The following RTN4RL2 variants were observed in gnomAD, a reference collection of about 807,000 sequenced individuals.
RTN4RL2 encodes reticulon 4 receptor like 2.
Under a neutral mutation model 27.8 loss-of-function variants are expected in RTN4RL2, and 9 were observed. The ratio of observed to expected loss-of-function variants is 0.32; its 90% CI spans 0.20 to 0.57. RTN4RL2 has a LOEUF of 0.57. Ranked by LOEUF, RTN4RL2 falls within the 20% of genes least tolerant of loss-of-function variation. The probability of loss-of-function intolerance (pLI) is 0.90; values close to 1 mark genes in which losing one functional copy is unlikely to be tolerated. For missense variants in RTN4RL2, 436 were observed against 596.8 expected (o/e 0.73, Z 2.81); for synonymous variants, 285 against 297.9 (o/e 0.96, Z 0.45).
At chr11:57,461,905 G>C (rs1284526836) in intron 1 of RTN4RL2, among the ~76,000 whole-genome samples, 1 of 152,028 alleles carries the variant, frequency 6.6e-6, no homozygotes, top group South Asian at 2.1e-4. Context: ...AGGGACTGGG[G>C]ATTGGGGGTG....
In RTN4RL2 at chr11:57,471,123, C is replaced by T. The variant is rs1943560537; in HGVS notation, c.513+3033C>T. On this transcript the variant is annotated intron_variant, in intron 2 of 2. Transcript: ENST00000335099. ...GGGTGGCAGGTGTCTGTAATCCCAG[C>T]CACTAGGGAGGCTAAGGCAGGAGAA... Among the ~76,000 whole-genome samples the T allele has an allele frequency of 4.0e-5, 6 of 151,890 alleles. No individual in the cohort carries two copies. The South Asian group carries it at 1.2e-3, about 32-fold the overall frequency.
chr11:57,463,961 G>C (rs1943503481), intron 1 of RTN4RL2, among the ~76,000 whole-genome samples: 1 of 152,178 alleles, frequency 6.6e-6, no homozygotes, highest in South Asian at 2.1e-4. Context: ...CCTCCAGTGA[G>C]AGCCGCTGCG....
At position 57,468,053 on chromosome 11, in the gene RTN4RL2, A is replaced by T; in HGVS notation, c.476A>T (p.Tyr159Phe). ...NIFRGLVSLQ[Y>F]LYLQENSLLH... ...TTCCGAGGCCTGGTCAGCCTGCAGT[A>T]CCTCTACCTCCAGGAGAACAGCCTG... The change falls in exon 2 of 3, where the codon TAC becomes TTC. Residue 159 changes from tyrosine (Y) to phenylalanine (F), a missense_variant. Physicochemically the swap from Tyr to Phe is conservative, Grantham distance 22 (BLOSUM62 3). This residue lies in a region of RTN4RL2 where 365 missense variants were observed against 530.5 expected (regional missense o/e 0.69). Transcript: ENST00000335099. 1 of 1,598,052 alleles carries T rather than the reference A, an allele frequency of 6.3e-7. No individual in the cohort carries two copies. Among genetic ancestry groups the T allele is most frequent in the Non-Finnish European group, 8.5e-7 (1 of 1,179,012 alleles).
intron 2 of RTN4RL2, among the ~76,000 whole-genome samples, chr11:57,475,498 T>G (rs1391781893): frequency 6.6e-6 from 1 of 151,698 alleles, no homozygotes; most frequent in African/African-American, 2.4e-5. Flanking sequence ...GATGACTGGC[T>G]TGGCCAAGTT....
At chr11:57,462,269 C>T (rs570218256) in intron 1 of RTN4RL2, among the ~76,000 whole-genome samples, 1 of 152,158 alleles carries the variant, frequency 6.6e-6, no homozygotes, top group East Asian at 1.9e-4. Context: ...TCTAAACCTC[C>T]GTCACCCGCG....
chr11:57,475,243 C>T (rs1205314411), intron 2 of RTN4RL2, among the ~76,000 whole-genome samples: 2 of 152,166 alleles, frequency 1.3e-5, no homozygotes, highest in Non-Finnish European at 2.9e-5. Flanking sequence ...GAACCTGAGA[C>T]TCCATGAGGT....
chr11:57,468,926 C>A, intron 2 of RTN4RL2: 2 of 756,414 alleles, frequency 2.6e-6, no homozygotes, highest in Non-Finnish European at 4.6e-6. Context: ...AATCATCCCA[C>A]TCCATTTCCC....
chr11:57,468,509 T>C, intron 2 of RTN4RL2: 1 of 1,478,472 alleles, frequency 6.8e-7, no homozygotes. Context: ...TGTGTATCTG[T>C]CTCTTTCTGT....
At chr11:57,464,889 C>G (rs1246632293) in intron 1 of RTN4RL2, among the ~76,000 whole-genome samples, 1 of 152,092 alleles carries the variant, frequency 6.6e-6, no homozygotes, top group Non-Finnish European at 1.5e-5. Flanking sequence ...AAACGCCGCA[C>G]GGGGGAGGGG....
rs747244939 is a variant in RTN4RL2 at position 57,476,769 on chromosome 11, A to T, written c.1121A>T (p.Tyr374Phe). 2.0e-6 allele frequency: 3 copies of T among 1,478,664 alleles called. No individual in the cohort carries two copies. In the East Asian group the frequency reaches 8.1e-5, roughly 40 times the overall value. The allele number at this position is 1,478,664 out of a possible 1,614,324, so 91.6% of individuals were successfully genotyped here. Reference sequence around the variant, plus strand: ...ACTGAGGACGACTACTGGGGGGGCTACGGGGGTGAGGACCAGCGAGGGGAG... The same window carrying T: ...ACTGAGGACGACTACTGGGGGGGCTTCGGGGGTGAGGACCAGCGAGGGGAG... ...APTEDDYWGGYGGEDQRGEQM... is the reference protein window; with the variant it reads ...APTEDDYWGGFGGEDQRGEQM... Residue 374 changes from tyrosine (Y) to phenylalanine (F), a missense_variant, in exon 3 of 3, where the codon TAC becomes TTC. Around this residue, in one of 3 missense-constraint regions of RTN4RL2, gnomAD observed 60 missense variants for 43.0 expected, o/e 1.40. Transcript: ENST00000335099. This position sits in a 1 kb window ranked among gnomAD's most constrained non-coding sequence, Gnocchi z 8.2.
rs747856323 is a variant in RTN4RL2 at position 57,468,022 on chromosome 11, A to T, written c.445A>T (p.Asn149Tyr). The T allele has an allele frequency of 6.2e-7, 1 of 1,601,368 alleles. No individual in the cohort carries two copies. Among genetic ancestry groups the T allele is most frequent in the East Asian group, 2.2e-5 (1 of 44,854 alleles). The change falls in exon 2 of 3, where the codon AAC (asparagine) becomes TAC (tyrosine). Residue 149 changes from asparagine to tyrosine, a missense_variant. Around this residue, in one of 3 missense-constraint regions of RTN4RL2, gnomAD observed 365 missense variants for 530.5 expected, o/e 0.69. Transcript: ENST00000335099. ...CTGCCAGCTCAGCAGCCTGCCCGGC[A>T]ACATCTTCCGAGGCCTGGTCAGCCT... ...YRCQLSSLPG[N>Y]IFRGLVSLQY...
chr11:57,468,723 A>G (rs1208787706), intron 2 of RTN4RL2: 1 of 1,536,086 alleles, frequency 6.5e-7, no homozygotes. Flanking sequence ...GGAGAAGCCC[A>G]CACCCCTTCT....
In RTN4RL2 at chr11:57,476,717, CG is replaced by C; in HGVS notation, c.1074del (p.Arg359AlafsTer165). Reference protein sequence around the residue: ...LYRDLPAEDSRGRQGGDAPTE... With the variant: ...LYRDLPAEDSXGRQGGDAPTE... ...CCGAGATCTGCCTGCCGAAGACTCGCGGGGGCGCCAGGGCGGGGACGCGCCT... is the reference window on the plus strand; with the variant it reads ...CCGAGATCTGCCTGCCGAAGACTCGCGGGGCGCCAGGGCGGGGACGCGCCT... On this transcript the variant is annotated frameshift_variant, in exon 3 of 3. Coordinates refer to ENST00000335099, the MANE Select transcript of RTN4RL2 (RefSeq NM_178570.3). LOFTEE classifies it high-confidence loss of function. This position sits in a 1 kb window ranked among gnomAD's most constrained non-coding sequence, Gnocchi z 8.2. 1 of 1,436,706 alleles carries C rather than the reference CG, an allele frequency of 7.0e-7. No individual in the cohort carries two copies. 89.0% of individuals were successfully genotyped at this position (1,436,706 alleles called of 1,614,324 possible). A position where few individuals can be genotyped will look rare whatever the true frequency, so the allele number is the denominator to read the frequency against.
rs771917716 is a variant in RTN4RL2, at chr11:57,467,561, T to G, written c.32-48T>G. ...TGGGGGGCTGGCCCCCAGCTGGCAC[T>G]CCTGCCCTGGAAGCCCACCTAGTAA... On this transcript the variant is annotated intron_variant, in intron 1 of 2. Coordinates refer to ENST00000335099, the MANE Select transcript of RTN4RL2 (RefSeq NM_178570.3). The surrounding 1 kb of genome is among the most constrained non-coding windows in gnomAD (Gnocchi z 5.5). 4 of 1,556,546 alleles carry G rather than the reference T, an allele frequency of 2.6e-6. No individual in the cohort carries two copies. Among genetic ancestry groups the G allele is most frequent in the Non-Finnish European group, 3.5e-6 (4 of 1,152,134 alleles).
Position 57,476,563 on chromosome 11 carries a change from C to A in RTN4RL2, c.915C>A (p.Ala305=). The A allele has an allele frequency of 1.4e-6, 2 of 1,400,386 alleles. No individual in the cohort carries two copies. Among genetic ancestry groups the A allele is most frequent in the South Asian group, 3.1e-5 (2 of 63,616 alleles). The allele number at this position is 1,400,386 out of a possible 1,614,324, so 86.7% of individuals were successfully genotyped here. ...GAGACCTGCGCGCGCTCCGCGAGGCCGACTTCCAGGCGTGTCCGCCCGCGG... is the reference window on the plus strand; with the variant it reads ...GAGACCTGCGCGCGCTCCGCGAGGCAGACTTCCAGGCGTGTCCGCCCGCGG... ...QGRDLRALRE[A]DFQACPPAAP... Residue 305 remains alanine, a synonymous_variant, in exon 3 of 3, where the codon GCC becomes GCA. Coordinates refer to ENST00000335099, the MANE Select transcript of RTN4RL2 (RefSeq NM_178570.3). The surrounding 1 kb of genome is among the most constrained non-coding windows in gnomAD (Gnocchi z 8.2).
At chr11:57,468,643 A>C in intron 2 of RTN4RL2, 2 of 1,536,236 alleles carry the variant, frequency 1.3e-6, no homozygotes, top group South Asian at 2.4e-5. Context: ...TAGAGAGAGA[A>C]GGCAGAGCCA....
At position 57,476,022 on chromosome 11, in the gene RTN4RL2, G is replaced by A; in HGVS notation, c.514-140G>A. Reference sequence around the variant, plus strand: ...TTAGAGGAGGCAGAATCCAAATCCAGGATGCTATGAATCAAAAGGTCAACC... The same window carrying A: ...TTAGAGGAGGCAGAATCCAAATCCAAGATGCTATGAATCAAAAGGTCAACC... On this transcript the variant is annotated intron_variant, in intron 2 of 2. Transcript: ENST00000335099. The surrounding 1 kb of genome is among the most constrained non-coding windows in gnomAD (Gnocchi z 8.2). 1 of 815,844 alleles carries A rather than the reference G, an allele frequency of 1.2e-6. No homozygotes were observed. Among genetic ancestry groups the A allele is most frequent in the Non-Finnish European group, 2.0e-6 (1 of 508,916 alleles). The allele number at this position is 815,844 out of a possible 1,614,324, so 50.5% of individuals were successfully genotyped here. A position where few individuals can be genotyped will look rare whatever the true frequency, so the allele number is the denominator to read the frequency against.
chr11:57,464,441 T>A (rs1160042782), intron 1 of RTN4RL2, among the ~76,000 whole-genome samples: 1 of 152,162 alleles, frequency 6.6e-6, no homozygotes, highest in Non-Finnish European at 1.5e-5. Context: ...GGGCTCACAC[T>A]CTGGTGAGCT....
At position 57,460,648 on chromosome 11, in the gene RTN4RL2, C is replaced by T. The variant is rs977949619; in HGVS notation, c.-218C>T. Reference sequence around the variant, plus strand: ...GACGGCCAGCCCCAGCCTTCCCCGCCCCGTCGCGCCCCGCCCCGTCCCGTC... The same window carrying T: ...GACGGCCAGCCCCAGCCTTCCCCGCTCCGTCGCGCCCCGCCCCGTCCCGTC... On this transcript the variant is annotated 5_prime_UTR_variant, in exon 1 of 3. Coordinates refer to ENST00000335099, the MANE Select transcript of RTN4RL2 (RefSeq NM_178570.3). 1 of 227,808 alleles carries T rather than the reference C, an allele frequency of 4.4e-6. No homozygotes were observed. The highest frequency in any genetic ancestry group is 5.7e-5 in the Admixed American group (1 of 17,534). The allele number at this position is 227,808 out of a possible 1,614,324, so 14.1% of individuals were successfully genotyped here.
Sources: allele counts gnomAD v4.1 joint callset (sites outside exome capture counted in the v4.1 genomes callset), GRCh38; gene constraint gnomAD v4.1.1; regional missense constraint gnomAD v4.1.1; non-coding constraint Gnocchi (gnomAD v3.1); transcripts MANE v1.5; gene names NCBI Gene and HGNC (gene_info 2026-07-23, HGNC 2026-07-21).